PRELID2: variants seen among roughly 807,000 people sequenced by gnomAD.
The protein encoded by PRELID2 is PRELI domain-containing protein 2.
In PRELID2, 25 loss-of-function variants were observed where a neutral mutation model predicts 28.4. The observed-to-expected ratio is 0.88, with a 90% CI of 0.64 to 1.23. The LOEUF (loss-of-function observed/expected upper bound fraction) is 1.23. PRELID2 is among the 50% of genes most tolerant of loss of function. The pLI is 0.00. For synonymous variants in PRELID2, 76 were observed against 71.6 expected (o/e 1.06, Z -0.31); for missense variants, 201 against 214.4 (o/e 0.94, Z 0.39).
chr5:145,510,100 A>G (rs1580962948), intron 1 of PRELID2, among the ~76,000 whole-genome samples: 2 of 152,158 alleles, frequency 1.3e-5, no homozygotes, highest in African/African-American at 4.8e-5. Flanking sequence ...GGCTATTTTG[A>G]GGACTGAATG....
At chr5:145,700,793 ACCTG>A (rs1435930514) in intron 1 of PRELID2, among the ~76,000 whole-genome samples, 1 of 152,150 alleles carries the variant, frequency 6.6e-6, no homozygotes, top group Non-Finnish European at 1.5e-5. Flanking sequence ...TATCGGTTCC[ACCTG>A]CCACAGTGTG....
At chr5:145,536,928 C>T (rs1752703773) in intron 1 of PRELID2, among the ~76,000 whole-genome samples, 1 of 151,680 alleles carries the variant, frequency 6.6e-6, no homozygotes, top group African/African-American at 2.4e-5. Flanking sequence ...GTAGAAGTTA[C>T]AAGAACTTTG....
Position 145,760,488 on chromosome 5 carries a change from A to T in PRELID2, c.*48T>A, listed in dbSNP as rs1326424491. 6.6e-6 allele frequency: 1 copy of T among 152,122 alleles called. No individual in the cohort carries two copies. Among genetic ancestry groups the T allele is most frequent in the Non-Finnish European group, 1.5e-5 (1 of 68,030 alleles). 9.4% of individuals were successfully genotyped at this position (152,122 alleles called of 1,614,324 possible). A position where few individuals can be genotyped will look rare whatever the true frequency, so the allele number is the denominator to read the frequency against. ...GCCAAGAAGTGATTCTCAAAAAAAA[A>T]ATAAATAAATAAATAAGTAGACATG... On this transcript the variant is annotated 3_prime_UTR_variant, in exon 7 of 7. Transcript: ENST00000683046.
chr5:145,316,516 C>T, the PRELID2 span, among the ~76,000 whole-genome samples: 1 of 152,102 alleles, frequency 6.6e-6, no homozygotes, highest in Admixed American at 6.5e-5. Flanking sequence ...TTCTCCACGC[C>T]CAATGTGAAA....
At chr5:145,262,364 A>T in the PRELID2 span, among the ~76,000 whole-genome samples, 1 of 152,138 alleles carries the variant, frequency 6.6e-6, no homozygotes, top group Admixed American at 6.6e-5. Context: ...CAAAAAGATC[A>T]TTGCCTCAGC....
the PRELID2 span, among the ~76,000 whole-genome samples, chr5:145,397,776 G>T: frequency 6.6e-6 from 1 of 152,150 alleles, no homozygotes. Context: ...GTTATGAATT[G>T]TGCCTGCCAT....
At chr5:145,795,888 A>C (rs913866252) in intron 5 of PRELID2, 1 of 152,320 alleles carries the variant, frequency 6.6e-6, no homozygotes, top group Non-Finnish European at 1.5e-5. Flanking sequence ...ACAGGACCTT[A>C]GAACTCCAAC....
the PRELID2 span, among the ~76,000 whole-genome samples, chr5:145,376,131 T>C: frequency 6.6e-6 from 1 of 152,196 alleles, no homozygotes; most frequent in African/African-American, 2.4e-5. Context: ...TCAGAAGCCT[T>C]TTCTGCATGT....
At chr5:145,781,889 G>A (rs570255988) in intron 5 of PRELID2, among the ~76,000 whole-genome samples, 1 of 151,712 alleles carries the variant, frequency 6.6e-6, no homozygotes, top group South Asian at 2.1e-4. Context: ...GTTTATACGA[G>A]GTACATGAAG....
intron 1 of PRELID2, among the ~76,000 whole-genome samples, chr5:145,681,468 A>C (rs959346546): frequency 2.0e-5 from 3 of 152,196 alleles, no homozygotes; most frequent in Admixed American, 1.3e-4. Context: ...CTCCAGGATA[A>C]ATGTTTATGA....
intron 1 of PRELID2, among the ~76,000 whole-genome samples, chr5:145,546,306 T>C (rs1216204240): frequency 1.3e-5 from 2 of 152,150 alleles, no homozygotes; most frequent in Non-Finnish European, 2.9e-5. Flanking sequence ...TCAATATCTC[T>C]AATACATGCA....
chr5:145,330,318 C>T, the PRELID2 span, among the ~76,000 whole-genome samples: 1 of 152,058 alleles, frequency 6.6e-6, no homozygotes, highest in Admixed American at 6.6e-5. Context: ...TTCTCTTTTT[C>T]TATTGTTTGG....
chr5:145,691,698 A>T (rs1178175676), intron 1 of PRELID2, among the ~76,000 whole-genome samples: 1 of 152,092 alleles, frequency 6.6e-6, no homozygotes, highest in Non-Finnish European at 1.5e-5. Context: ...AGCCTGGGCG[A>T]CAGAGTGAGA....
At chr5:145,254,769 G>A in the PRELID2 span, among the ~76,000 whole-genome samples, 13 of 151,934 alleles carry the variant, frequency 8.6e-5, no homozygotes, top group Non-Finnish European at 1.5e-4. Context: ...ATATAATTAA[G>A]AACTAATCAT....
At chr5:145,273,332 C>A in the PRELID2 span, among the ~76,000 whole-genome samples, 1 of 151,988 alleles carries the variant, frequency 6.6e-6, no homozygotes, top group Non-Finnish European at 1.5e-5. Flanking sequence ...TCCTGCTTTT[C>A]GGGTCTTAAG....
chr5:145,399,497 C>G, the PRELID2 span, among the ~76,000 whole-genome samples: 3 of 152,088 alleles, frequency 2.0e-5, no homozygotes, highest in African/African-American at 7.2e-5. Flanking sequence ...AGAATCTTCA[C>G]TTTCTCAAAA....
rs1491518500 is a variant in PRELID2 at position 145,742,324 on chromosome 5, A to AT, written n.70+22606dup. On this transcript the variant is annotated intron_variant and non_coding_transcript_variant, in intron 1 of 2. Transcript: ENST00000510259. ...TATTTATATATATAAATAAAAATAGATATATTTTTTTTTTCTGGCTACATC... is the reference window on the plus strand; with the variant it reads ...TATTTATATATATAAATAAAAATAGATTATATTTTTTTTTTCTGGCTACATC... Among the ~76,000 whole-genome samples, 395 of 48,812 alleles carry AT rather than the reference A, an allele frequency of 8.1e-3. 3 individuals carry two copies. The highest frequency in any genetic ancestry group is 0.011 in the African/African-American group (246 of 21,874). 32.0% of individuals were successfully genotyped at this position (48,812 alleles called of 152,430 possible). A position where few individuals can be genotyped will look rare whatever the true frequency, so the allele number is the denominator to read the frequency against.
intron 5 of PRELID2, among the ~76,000 whole-genome samples, chr5:145,767,738 G>A (rs1757854338): frequency 6.6e-6 from 1 of 152,158 alleles, no homozygotes; most frequent in African/African-American, 2.4e-5. Context: ...CATAAGTCAT[G>A]GAAAGGGGTC....
chr5:145,600,434 A>AAATATATATATAT (rs1315631607), intron 1 of PRELID2, among the ~76,000 whole-genome samples: 59 of 120,070 alleles, frequency 4.9e-4, no homozygotes, highest in African/African-American at 2.3e-3. Flanking sequence ...AAAAAAAAAA[A>AAATATATATATAT]ATATATATAT....
Sources: gnomAD v4.1 joint callset for allele counts (sites outside exome capture counted in the v4.1 genomes callset) on GRCh38, gnomAD v4.1.1 for gene constraint, MANE v1.5 for transcripts, NCBI Gene and HGNC (gene_info 2026-07-23, HGNC 2026-07-21) for gene names.